MORC1: variants seen among roughly 807,000 people sequenced by gnomAD.
MORC1 encodes the protein MORC family CW-type zinc finger 1.
Under a neutral mutation model 134.9 loss-of-function variants are expected in MORC1, and 59 were observed. That is an observed-to-expected ratio of 0.44 (90% CI 0.35 to 0.54). The LOEUF (loss-of-function observed/expected upper bound fraction) is 0.54, where lower values mean the gene tolerates loss of function less well. Among genes scored for constraint, MORC1 ranks in the 20% least tolerant of loss-of-function variants. The pLI, the probability that MORC1 is intolerant of heterozygous loss-of-function variation, is 0.00. For missense variants in MORC1, 947 were observed against 1,134.5 expected, an observed-to-expected ratio of 0.83 and a Z score of 2.37; for synonymous variants, 395 against 391.7, an observed-to-expected ratio of 1.01 and a Z score of -0.10.
chr3:109,105,299 C>T (rs371301127), intron 3 of MORC1, among the ~76,000 whole-genome samples: 8 of 152,066 alleles, frequency 5.3e-5, no homozygotes, highest in African/African-American at 9.7e-5. Context: ...CCAAGGTGGG[C>T]GGATCACGAG....
At chr3:109,030,424 C>A (rs1426811043) in intron 16 of MORC1, among the ~76,000 whole-genome samples, 1 of 152,172 alleles carries the variant, frequency 6.6e-6, no homozygotes, top group Non-Finnish European at 1.5e-5. Flanking sequence ...ATCATCATAT[C>A]TACATCACTG....
intron 24 of MORC1, among the ~76,000 whole-genome samples, chr3:108,976,426 T>C (rs1217616184): frequency 1.3e-5 from 2 of 152,146 alleles, no homozygotes; most frequent in East Asian, 1.9e-4. Flanking sequence ...CTTGAAAAAC[T>C]AAAAGTCTAG....
At chr3:109,105,987 C>T (rs76936273) in intron 3 of MORC1, among the ~76,000 whole-genome samples, 4,905 of 152,232 alleles carry the variant, frequency 0.032, 249 homozygotes, top group African/African-American at 0.11. Flanking sequence ...TTTAGTCCTC[C>T]CTCAAAGGCT....
intron 17 of MORC1, 106 bp downstream of exon 17, chr3:109,027,645 A>C (rs1949112842): frequency 1.4e-6 from 2 of 1,428,892 alleles, no homozygotes; most frequent in East Asian, 4.6e-5. Context: ...GACAGGAAAA[A>C]GATTATACAC....
At chr3:109,052,874 A>T (rs1255011112) in intron 14 of MORC1, among the ~76,000 whole-genome samples, 3 of 152,192 alleles carry the variant, frequency 2.0e-5, no homozygotes, top group Non-Finnish European at 4.4e-5. Flanking sequence ...TATTCCTCTG[A>T]CAAAGGTCTA....
At chr3:109,037,102 A>T (rs1441274486) in intron 14 of MORC1, among the ~76,000 whole-genome samples, 1 of 152,138 alleles carries the variant, frequency 6.6e-6, no homozygotes, top group Non-Finnish European at 1.5e-5. Context: ...GGTTGACTTC[A>T]ATTGTCCTAC....
chr3:109,054,942 T>G (rs981010843), intron 13 of MORC1, 60 bp from the exon 14 acceptor site: 38 of 1,419,800 alleles, frequency 2.7e-5, no homozygotes, highest in Non-Finnish European at 3.2e-5. Flanking sequence ...AAATCAAATA[T>G]ATTCTGGTCA....
chr3:109,003,721 C>CA (rs1948465995), intron 20 of MORC1, among the ~76,000 whole-genome samples: 1 of 152,072 alleles, frequency 6.6e-6, no homozygotes. Flanking sequence ...TTCAAATCAA[C>CA]AAAAAACCTG....
At chr3:109,000,107 G>A (rs1475011164) in intron 21 of MORC1, among the ~76,000 whole-genome samples, 2 of 152,098 alleles carry the variant, frequency 1.3e-5, no homozygotes, top group African/African-American at 4.8e-5. Flanking sequence ...GAGAAAATGG[G>A]GAGCATGCCA....
chr3:109,109,500 T>C (rs1215282461), intron 3 of MORC1, among the ~76,000 whole-genome samples: 1 of 152,212 alleles, frequency 6.6e-6, no homozygotes, highest in African/African-American at 2.4e-5. Context: ...CACATTCATA[T>C]TTCAAGCTCT....
chr3:109,057,774 G>A (rs1438023928), intron 12 of MORC1, among the ~76,000 whole-genome samples: 1 of 152,094 alleles, frequency 6.6e-6, no homozygotes, highest in African/African-American at 2.4e-5. Flanking sequence ...AATATTAACG[G>A]GTCGTATAGG....
chr3:109,105,205 A>G (rs1157354135), intron 3 of MORC1, among the ~76,000 whole-genome samples: 1 of 152,134 alleles, frequency 6.6e-6, no homozygotes, highest in Admixed American at 6.6e-5. Flanking sequence ...CAACATAGTG[A>G]GACCTTATGG....
intron 17 of MORC1, among the ~76,000 whole-genome samples, chr3:109,016,825 A>G (rs1371933208): frequency 2.0e-5 from 3 of 152,188 alleles, no homozygotes; most frequent in Non-Finnish European, 4.4e-5. Flanking sequence ...AGATCGCACC[A>G]CTGCATTCCA....
At chr3:108,967,259 A>G (rs1362374014) in intron 26 of MORC1, among the ~76,000 whole-genome samples, 1 of 152,210 alleles carries the variant, frequency 6.6e-6, no homozygotes, top group African/African-American at 2.4e-5. Flanking sequence ...TGGTGTAGAC[A>G]TTGGAAAAAA....
In MORC1 at chr3:109,004,809, T is replaced by C. The variant is rs1948497795; in HGVS notation, c.2085+8A>G. 8 of 1,612,202 alleles carry C rather than the reference T, an allele frequency of 5.0e-6. No individual in the cohort carries two copies. Among genetic ancestry groups the C allele is most frequent in the Non-Finnish European group, 6.8e-6 (8 of 1,179,084 alleles). ...CCCTTAAATACAAATTTAAAAGCCT[T>C]TTCCCACCTGGGCATTCTTCAGGCA... On this transcript the variant is annotated splice_region_variant and intron_variant, in intron 20 of 27. Transcript: ENST00000232603.
At chr3:109,014,414 T>C (rs549216673) in intron 17 of MORC1, among the ~76,000 whole-genome samples, 1 of 152,234 alleles carries the variant, frequency 6.6e-6, no homozygotes, top group Admixed American at 6.5e-5. Flanking sequence ...TGCTCACCTC[T>C]TTCATAGCCA....
At chr3:109,066,562 A>G (rs1268404513) in intron 9 of MORC1, among the ~76,000 whole-genome samples, 1 of 152,200 alleles carries the variant, frequency 6.6e-6, no homozygotes, top group Non-Finnish European at 1.5e-5. Context: ...GCTGGGATAC[A>G]GGCGTGAGCC....
At chr3:108,980,619 G>A (rs1947691014) in intron 23 of MORC1, among the ~76,000 whole-genome samples, 1 of 152,172 alleles carries the variant, frequency 6.6e-6, no homozygotes, top group Non-Finnish European at 1.5e-5. Context: ...ACCAGACCTA[G>A]CTCTTGTTAA....
intron 16 of MORC1, 51 bp from the exon 17 acceptor site, chr3:109,027,940 T>A (rs771008264): frequency 6.4e-7 from 1 of 1,573,444 alleles, no homozygotes; most frequent in Non-Finnish European, 8.7e-7. Flanking sequence ...ATAAAACTAC[T>A]TACTGTCTGT....
Sources: gnomAD v4.1 joint callset for allele counts (sites outside exome capture counted in the v4.1 genomes callset) on GRCh38, gnomAD v4.1.1 for gene constraint, MANE v1.5 for transcripts, NCBI Gene and HGNC (gene_info 2026-07-23, HGNC 2026-07-21) for gene names.